Variants in RMND5A observed in about 807,000 individuals in gnomAD.
RMND5A encodes E3 ubiquitin-protein transferase RMND5A.
In RMND5A, 17 loss-of-function variants were observed where a neutral mutation model predicts 49.7. The ratio of observed to expected loss-of-function variants is 0.34; its 90% confidence interval spans 0.23 to 0.51. The LOEUF is 0.51. RMND5A is among the 20% of genes least tolerant of loss of function. RMND5A has a pLI of 0.96. For missense variants in RMND5A, 255 were observed against 471.3 expected, an observed-to-expected ratio of 0.54 and a Z score of 4.25; for synonymous variants, 156 against 167.7, an observed-to-expected ratio of 0.93 and a Z score of 0.54.
chr2:86,720,774 C>A lies in RMND5A; in HGVS notation c.107C>A (p.Thr36Asn). 6.3e-7 allele frequency: 1 copy of A among 1,595,544 alleles called. No individual in the cohort carries two copies. Among genetic ancestry groups the A allele is most frequent in the Non-Finnish European group, 8.5e-7 (1 of 1,171,926 alleles). ...GGCCTGGAGGAGCTCATCGACTACA[C>A]CGGCGGCCTCAAGCACGAGATCCTG... ...ERGLEELIDY[T>N]GGLKHEILQS... The change falls in exon 1 of 9, where the codon ACC becomes AAC. Residue 36 changes from threonine to asparagine, a missense_variant. Around this residue, in one of 3 missense-constraint regions of RMND5A, gnomAD observed 42 missense variants for 59.9 expected, o/e 0.70. Coordinates refer to ENST00000283632, the MANE Select transcript of RMND5A (RefSeq NM_022780.4).
At chr2:86,751,535 T>C (rs1180285634) in intron 2 of RMND5A, among the ~76,000 whole-genome samples, 2 of 152,194 alleles carry the variant, frequency 1.3e-5, no homozygotes, top group Admixed American at 6.5e-5. Context: ...TCTCCTTTTT[T>C]CCCCTCCCAT....
chr2:86,724,015 T>C (rs538544662), intron 1 of RMND5A, among the ~76,000 whole-genome samples: 92 of 152,018 alleles, frequency 6.1e-4, no homozygotes, highest in African/African-American at 2.0e-3. Flanking sequence ...CTCTCATACC[T>C]GGTGAATTGG....
chr2:86,769,771 G>GT (rs1672659557), intron 6 of RMND5A, among the ~76,000 whole-genome samples: 3 of 151,332 alleles, frequency 2.0e-5, no homozygotes, highest in Admixed American at 6.6e-5. Flanking sequence ...TTTTTGTTTT[G>GT]TTTTTTAACT....
intron 2 of RMND5A, among the ~76,000 whole-genome samples, chr2:86,749,682 G>A (rs1004835610): frequency 1.3e-5 from 2 of 152,132 alleles, no homozygotes; most frequent in African/African-American, 2.4e-5. Context: ...GAGCCATCAT[G>A]CCCACCCCGT....
intron 6 of RMND5A, among the ~76,000 whole-genome samples, chr2:86,766,301 G>A (rs1231913953): frequency 6.6e-6 from 1 of 152,166 alleles, no homozygotes; most frequent in East Asian, 1.9e-4. Context: ...TAAACTGCTA[G>A]AGCCTTAGCA....
chr2:86,776,487 C>T lies in RMND5A; in HGVS notation c.*3076C>T, dbSNP rs985912911. On this transcript the variant is annotated 3_prime_UTR_variant, in exon 9 of 9. Coordinates refer to ENST00000283632, the MANE Select transcript of RMND5A (RefSeq NM_022780.4). Reference sequence around the variant, plus strand: ...ACCACATTTTGTGGGAAATGAGGATCCTGATCCTCTTTTGTCCTCTCCAGG... The same window carrying T: ...ACCACATTTTGTGGGAAATGAGGATTCTGATCCTCTTTTGTCCTCTCCAGG... 5.9e-5 allele frequency: 9 copies of T among 152,152 alleles called. No individual in the cohort carries two copies. The highest frequency in any genetic ancestry group is 1.0e-4 in the Non-Finnish European group (7 of 68,030). 9.4% of individuals were successfully genotyped at this position (152,152 alleles called of 1,614,324 possible).
At chr2:86,749,551 C>T (rs962918675) in intron 2 of RMND5A, among the ~76,000 whole-genome samples, 1 of 152,020 alleles carries the variant, frequency 6.6e-6, no homozygotes, top group African/African-American at 2.4e-5. Context: ...CCACCACGCC[C>T]AGCTAATTTT....
intron 2 of RMND5A, chr2:86,748,461 G>A (rs975773959): frequency 6.6e-6 from 1 of 152,208 alleles, no homozygotes; most frequent in African/African-American, 2.4e-5. Context: ...CAGCAAATAA[G>A]TTACGAGCTT....
intron 4 of RMND5A, among the ~76,000 whole-genome samples, chr2:86,755,038 G>T (rs1459730012): frequency 6.6e-6 from 1 of 152,008 alleles, no homozygotes; most frequent in African/African-American, 2.4e-5. Flanking sequence ...GCAAATTTCA[G>T]ATTGTGACAC....
intron 5 of RMND5A, 172 bp from the exon 6 acceptor site, chr2:86,765,687 C>G: frequency 1.7e-6 from 1 of 578,748 alleles, no homozygotes; most frequent in Non-Finnish European, 3.0e-6. Flanking sequence ...TCCCTTTTCT[C>G]TCCATGCTGT....
At position 86,720,764 on chromosome 2, in the gene RMND5A, A is replaced by T; in HGVS notation, c.97A>T (p.Ile33Phe). ...GTGCGAGCGCGGCCTGGAGGAGCTC[A>T]TCGACTACACCGGCGGCCTCAAGCA... Reference protein sequence around the residue: ...QLCERGLEELIDYTGGLKHEI... With the variant: ...QLCERGLEELFDYTGGLKHEI... Residue 33 changes from isoleucine (I) to phenylalanine (F), a missense_variant, in exon 1 of 9, where the codon ATC (isoleucine) becomes TTC (phenylalanine). By Grantham distance (21) the Ile-to-Phe change is conservative. Coordinates refer to ENST00000283632, the MANE Select transcript of RMND5A (RefSeq NM_022780.4). 1 of 1,596,078 alleles carries T rather than the reference A, an allele frequency of 6.3e-7. No homozygotes were observed.
At chr2:86,764,989 G>A in intron 4 of RMND5A, 38 bp from the exon 5 acceptor site, 1 of 1,566,190 alleles carries the variant, frequency 6.4e-7, no homozygotes, top group Middle Eastern at 1.7e-4. Context: ...CCTTGCTTAT[G>A]CTTTTGATTC....
chr2:86,755,592 T>C (rs957118062), intron 4 of RMND5A, among the ~76,000 whole-genome samples: 6 of 152,250 alleles, frequency 3.9e-5, no homozygotes, highest in African/African-American at 1.4e-4. Flanking sequence ...TATGACTATA[T>C]CTGTAGTCAC....
chr2:86,766,441 GGATCACGA>G (rs1444595068), intron 6 of RMND5A, among the ~76,000 whole-genome samples: 2 of 152,036 alleles, frequency 1.3e-5, no homozygotes, highest in African/African-American at 4.8e-5. Context: ...CTAGGAGGGT[GGATCACGA>G]GATCAGGAGT....
chr2:86,760,452 TCAG>T (rs1672451600), intron 4 of RMND5A, among the ~76,000 whole-genome samples: 1 of 152,214 alleles, frequency 6.6e-6, no homozygotes, highest in South Asian at 2.1e-4. Flanking sequence ...ACAACACAGT[TCAG>T]ATTTCAGTCA....
chr2:86,742,531 G>A (rs2104390157), intron 2 of RMND5A, among the ~76,000 whole-genome samples: 2 of 148,154 alleles, frequency 1.3e-5, no homozygotes, highest in East Asian at 2.1e-4. Context: ...AACTGTGGGA[G>A]TGGTGGTGGG....
rs568084498 is a variant in RMND5A, at chr2:86,776,621, C to G, written c.*3210C>G. 6.6e-6 allele frequency: 1 copy of G among 152,334 alleles called. No individual in the cohort carries two copies. The highest frequency in any genetic ancestry group is 1.9e-4 in the East Asian group (1 of 5,188). The allele number at this position is 152,334 out of a possible 1,614,324, so 9.4% of individuals were successfully genotyped here. A position where few individuals can be genotyped will look rare whatever the true frequency, so the allele number is the denominator to read the frequency against. On this transcript the variant is annotated 3_prime_UTR_variant, in exon 9 of 9. Coordinates refer to ENST00000283632, the MANE Select transcript of RMND5A (RefSeq NM_022780.4). ...GTGGATACTGCAACAGCCAAGAACT[C>G]TTGGTTATCCGCACAAGCTGCTGGT...
chr2:86,759,538 G>A (rs748136725), intron 4 of RMND5A, among the ~76,000 whole-genome samples: 11 of 152,014 alleles, frequency 7.2e-5, no homozygotes, highest in South Asian at 4.2e-4. Flanking sequence ...CGTGGTCCAC[G>A]CTGGAAATTT....
At chr2:86,764,697 G>T (rs926335110) in intron 4 of RMND5A, among the ~76,000 whole-genome samples, 2 of 152,210 alleles carry the variant, frequency 1.3e-5, no homozygotes, top group African/African-American at 4.8e-5. Flanking sequence ...AAGAGCAGTG[G>T]ATCTAGGCAA....
Sources: gnomAD v4.1 joint callset for allele counts (sites outside exome capture counted in the v4.1 genomes callset) on GRCh38, gnomAD v4.1.1 for gene constraint, gnomAD v4.1.1 regional missense constraint, MANE v1.5 for transcripts, NCBI Gene and HGNC (gene_info 2026-07-23, HGNC 2026-07-21) for gene names.